Variants in SBSPON observed in about 807,000 individuals in gnomAD.
The protein encoded by SBSPON is somatomedin-B and thrombospondin type-1 domain-containing protein.
SBSPON carries 30 observed loss-of-function variants against 35.8 expected under a neutral mutation model. That is an observed-to-expected ratio of 0.84 (90% CI 0.63 to 1.14). The LOEUF (loss-of-function observed/expected upper bound fraction) is 1.14, where lower values mean the gene tolerates loss of function less well. SBSPON is among the 50% of genes most tolerant of loss of function. The pLI, the probability that SBSPON is intolerant of heterozygous loss-of-function variation, is 0.00. For missense variants in SBSPON, 364 were observed against 357.7 expected, an observed-to-expected ratio of 1.02 and a Z score of -0.14; for synonymous variants, 136 against 135.9, an observed-to-expected ratio of 1.00 and a Z score of 0.00.
chr8:73,074,411 A>T, intron 2 of SBSPON: 1 of 166,788 alleles, frequency 6.0e-6, no homozygotes, highest in Non-Finnish European at 1.2e-5. Flanking sequence ...TTCAGGTATT[A>T]ATTTATTTAA....
intron 1 of SBSPON, among the ~76,000 whole-genome samples, chr8:73,083,096 G>A (rs965099249): frequency 2.6e-5 from 4 of 152,272 alleles, no homozygotes; most frequent in East Asian, 1.9e-4. Flanking sequence ...GGATTCCATC[G>A]TCATATGTGT....
At chr8:73,086,382 G>A (rs1046192903) in intron 1 of SBSPON, among the ~76,000 whole-genome samples, 4 of 151,978 alleles carry the variant, frequency 2.6e-5, no homozygotes, top group South Asian at 2.1e-4. Flanking sequence ...GGCTGGTCTC[G>A]AACTCCTGAC....
At chr8:73,073,321 A>G (rs1479717061) in intron 2 of SBSPON, among the ~76,000 whole-genome samples, 2 of 152,218 alleles carry the variant, frequency 1.3e-5, no homozygotes, top group Non-Finnish European at 2.9e-5. Flanking sequence ...GGTAGATACA[A>G]GCTGATATCA....
At chr8:73,091,924 T>G (rs1422129038) in intron 1 of SBSPON, among the ~76,000 whole-genome samples, 1 of 152,200 alleles carries the variant, frequency 6.6e-6, no homozygotes, top group Non-Finnish European at 1.5e-5. Context: ...CTCCCACATG[T>G]CGGGATCCTT....
intron 2 of SBSPON, among the ~76,000 whole-genome samples, chr8:73,079,423 T>C (rs1810653180): frequency 6.6e-6 from 1 of 152,148 alleles, no homozygotes; most frequent in African/African-American, 2.4e-5. Context: ...CACAGCCCAG[T>C]AAACTTCGCT....
At chr8:73,092,687 G>A (rs1810958344) in intron 1 of SBSPON, among the ~76,000 whole-genome samples, 167 bp downstream of exon 1, 1 of 152,156 alleles carries the variant, frequency 6.6e-6, no homozygotes, top group South Asian at 2.1e-4. Flanking sequence ...GAGACCCTAG[G>A]ATGAACGGAG....
rs184615432 is a variant in SBSPON at position 73,068,629 on chromosome 8, A to G, written c.678-1171T>C. ...TGACTGTAAAATGTTTTTGGAGTCAATTATTTCAGAGAAATCTACAGATTT... is the reference window on the plus strand; with the variant it reads ...TGACTGTAAAATGTTTTTGGAGTCAGTTATTTCAGAGAAATCTACAGATTT... On this transcript the variant is annotated intron_variant, in intron 4 of 4. Transcript: ENST00000297354. Among the ~76,000 whole-genome samples the G allele has an allele frequency of 1.4e-4, 22 of 152,350 alleles. No homozygotes were observed. In the East Asian group the frequency reaches 2.1e-3, roughly 15 times the overall value.
intron 2 of SBSPON, among the ~76,000 whole-genome samples, chr8:73,078,519 G>A (rs1810636759): frequency 6.6e-6 from 1 of 151,906 alleles, no homozygotes; most frequent in African/African-American, 2.4e-5. Context: ...CCAGGGCTGA[G>A]AAGGTGAGTG....
At chr8:73,070,512 G>A (rs896831105) in intron 3 of SBSPON, among the ~76,000 whole-genome samples, 2 of 152,164 alleles carry the variant, frequency 1.3e-5, no homozygotes, top group Admixed American at 1.3e-4. Context: ...ATGGTCTGGA[G>A]TAATGATGAT....
In SBSPON at chr8:73,069,807, A is replaced by G. The variant is rs760687548; in HGVS notation, c.675T>C (p.Asp225=). The G allele has an allele frequency of 3.1e-6, 5 of 1,612,958 alleles. No individual in the cohort carries two copies. Among genetic ancestry groups the G allele is most frequent in the Non-Finnish European group, 4.2e-6 (5 of 1,178,936 alleles). Residue 225 remains aspartate (D), a splice_region_variant and synonymous_variant, in exon 4 of 5, where the codon GAT becomes GAC. Transcript: ENST00000297354. ...CTTCAGTTAATTTCCATTCTTACCC[A>G]TCGGAGTCCAGGCCATCTCCAGAAC... ...LRCSGDGLDS[D]GNQTLHWQAI...
At chr8:73,076,123 C>A (rs1810590451) in intron 2 of SBSPON, among the ~76,000 whole-genome samples, 1 of 152,120 alleles carries the variant, frequency 6.6e-6, no homozygotes, top group East Asian at 1.9e-4. Context: ...GGGAAAATCC[C>A]ATAAGACTTA....
chr8:73,087,625 G>C lies in SBSPON; in HGVS notation c.214+5229C>G, dbSNP rs140350573. 3.6e-3 allele frequency among the ~76,000 whole-genome samples: 544 copies of C among 151,662 alleles called. 4 individuals are homozygous for C. The highest frequency in any genetic ancestry group is 0.02 in the Middle Eastern group (6 of 294). On this transcript the variant is annotated intron_variant, in intron 1 of 4. Transcript: ENST00000297354. Reference sequence around the variant, plus strand: ...CGTAGACTCTGGCATCTTTCCTTTGGGTGAGTTTGGAGCCCATATTTTCAA... The same window carrying C: ...CGTAGACTCTGGCATCTTTCCTTTGCGTGAGTTTGGAGCCCATATTTTCAA...
chr8:73,078,981 C>T (rs1810645761), intron 2 of SBSPON, among the ~76,000 whole-genome samples: 1 of 152,170 alleles, frequency 6.6e-6, no homozygotes, highest in African/African-American at 2.4e-5. Context: ...CGCATGCAGG[C>T]CTTGTGCTCC....
At chr8:73,079,118 G>A (rs1017749551) in intron 2 of SBSPON, among the ~76,000 whole-genome samples, 1 of 152,172 alleles carries the variant, frequency 6.6e-6, no homozygotes, top group East Asian at 1.9e-4. Context: ...TAGACAAACA[G>A]GCAGATTTTT....
intron 1 of SBSPON, among the ~76,000 whole-genome samples, chr8:73,086,776 G>C (rs949802941): frequency 6.6e-6 from 1 of 152,184 alleles, no homozygotes; most frequent in African/African-American, 2.4e-5. Flanking sequence ...GAATAAAAAA[G>C]ATAATAGTAC....
chr8:73,072,296 AAAG>A (rs1810508660), intron 2 of SBSPON, among the ~76,000 whole-genome samples: 2 of 144,868 alleles, frequency 1.4e-5, no homozygotes, highest in Non-Finnish European at 2.9e-5. Flanking sequence ...GAAAGGAAAC[AAAG>A]AAGGATAGAG....
At chr8:73,073,707 G>A (rs1233626826) in intron 2 of SBSPON, among the ~76,000 whole-genome samples, 1 of 151,904 alleles carries the variant, frequency 6.6e-6, no homozygotes, top group East Asian at 1.9e-4. Flanking sequence ...TGTTCGGGAG[G>A]CTGGGAAAAT....
intron 2 of SBSPON, among the ~76,000 whole-genome samples, chr8:73,080,285 C>T (rs974452853): frequency 5.2e-4 from 79 of 152,088 alleles, no homozygotes; most frequent in Non-Finnish European, 7.2e-4. Flanking sequence ...GAGGCTGAGG[C>T]GGGTGGATCA....
intron 2 of SBSPON, among the ~76,000 whole-genome samples, chr8:73,073,560 C>T (rs1337227583): frequency 3.3e-5 from 5 of 152,156 alleles, no homozygotes; most frequent in African/African-American, 1.2e-4. Context: ...AATCCCAGCA[C>T]TTTGGAAGCC....
Sources: allele counts gnomAD v4.1 joint callset (sites outside exome capture counted in the v4.1 genomes callset), GRCh38; gene constraint gnomAD v4.1.1; transcripts MANE v1.5; gene names NCBI Gene and HGNC (gene_info 2026-07-23, HGNC 2026-07-21).